SLC39A8: variants seen among roughly 807,000 people sequenced by gnomAD.
The protein encoded by SLC39A8 is metal cation symporter ZIP8.
A neutral mutation model predicts 40.4 loss-of-function variants in SLC39A8; 15 were observed. The ratio of observed to expected loss-of-function variants is 0.37; its 90% CI spans 0.25 to 0.57. The LOEUF (loss-of-function observed/expected upper bound fraction) is 0.57. Among genes scored for constraint, SLC39A8 ranks in the 20% least tolerant of loss-of-function variants. The pLI is 0.75. For missense variants in SLC39A8, 472 were observed against 558.8 expected (o/e 0.84, Z 1.57); for synonymous variants, 223 against 221.6 (o/e 1.01, Z -0.06).
At chr4:102,317,678 C>T (rs1253298149) in intron 2 of SLC39A8, among the ~76,000 whole-genome samples, 1 of 152,182 alleles carries the variant, frequency 6.6e-6, no homozygotes, top group Non-Finnish European at 1.5e-5. Context: ...TGTGATAGCA[C>T]ATGATAGCAC....
chr4:102,330,995 C>T (rs761465034), intron 2 of SLC39A8, among the ~76,000 whole-genome samples: 14 of 152,138 alleles, frequency 9.2e-5, no homozygotes, highest in Non-Finnish European at 1.8e-4. Context: ...TAAAAACGCT[C>T]AATAAACTAC....
At chr4:102,299,750 A>C (rs1392624321) in intron 6 of SLC39A8, among the ~76,000 whole-genome samples, 1 of 152,082 alleles carries the variant, frequency 6.6e-6, no homozygotes, top group East Asian at 1.9e-4. Flanking sequence ...ATCTATTCTT[A>C]AATGAAAGCA....
downstream of SLC39A8, among the ~76,000 whole-genome samples, chr4:102,258,017 G>GCCCAT (rs1263911640): frequency 6.6e-6 from 1 of 152,096 alleles, no homozygotes; most frequent in Non-Finnish European, 1.5e-5. Context: ...CTGAGCATGG[G>GCCCAT]GTTCCTTTGC....
exon 12 of SLC39A8, chr4:102,251,803 A>G (rs1034911748): frequency 2.6e-5 from 4 of 152,262 alleles, no homozygotes; most frequent in African/African-American, 9.6e-5. Flanking sequence ...CATCATTGAT[A>G]GGGAGAATGG....
chr4:102,325,260 G>C (rs1485509180), intron 2 of SLC39A8, among the ~76,000 whole-genome samples: 6 of 152,056 alleles, frequency 3.9e-5, no homozygotes, highest in Non-Finnish European at 7.4e-5. Flanking sequence ...CTAGGTTTAA[G>C]AGGTGGCCAG....
At chr4:102,275,605 A>C (rs1732582380) in intron 6 of SLC39A8, among the ~76,000 whole-genome samples, 1 of 152,206 alleles carries the variant, frequency 6.6e-6, no homozygotes, top group Non-Finnish European at 1.5e-5. Flanking sequence ...GATATTCAGG[A>C]CTTGAACTCA....
intron 6 of SLC39A8, among the ~76,000 whole-genome samples, chr4:102,285,551 T>A (rs909769033): frequency 6.6e-6 from 1 of 152,038 alleles, no homozygotes; most frequent in Non-Finnish European, 1.5e-5. Context: ...AAAAGTGAAA[T>A]TTGTTATCTG....
At chr4:102,283,260 CA>C (rs536385719) in intron 6 of SLC39A8, among the ~76,000 whole-genome samples, 1 of 152,126 alleles carries the variant, frequency 6.6e-6, no homozygotes, top group Non-Finnish European at 1.5e-5. Flanking sequence ...GGGACTTGCC[CA>C]AAACGACACA....
chr4:102,266,931 C>G (rs28402744), intron 8 of SLC39A8, among the ~76,000 whole-genome samples: 9,038 of 152,164 alleles, frequency 0.059, 895 homozygotes, highest in African/African-American at 0.2. Context: ...AGCACAAACA[C>G]ACACATACAC....
intron 6 of SLC39A8, among the ~76,000 whole-genome samples, chr4:102,290,467 T>C (rs757910142): frequency 5.9e-5 from 9 of 152,126 alleles, no homozygotes; most frequent in Non-Finnish European, 1.3e-4. Flanking sequence ...TAATGATGTT[T>C]CTGGAACTTC....
chr4:102,333,589 G>T (rs1278613922), intron 2 of SLC39A8, among the ~76,000 whole-genome samples: 1 of 152,164 alleles, frequency 6.6e-6, no homozygotes, highest in Non-Finnish European at 1.5e-5. Flanking sequence ...AATACCAAAA[G>T]GTTTTGATGG....
chr4:102,326,685 T>C (rs1049702607), intron 2 of SLC39A8, among the ~76,000 whole-genome samples: 1 of 152,232 alleles, frequency 6.6e-6, no homozygotes, highest in Admixed American at 6.5e-5. Flanking sequence ...AAATCACATA[T>C]ATTAAGGCTC....
At chr4:102,275,658 C>T (rs1732585886) in intron 6 of SLC39A8, among the ~76,000 whole-genome samples, 1 of 152,110 alleles carries the variant, frequency 6.6e-6, no homozygotes, top group African/African-American at 2.4e-5. Context: ...CAGAACTCTC[C>T]ACCCCCAAAT....
intron 3 of SLC39A8, among the ~76,000 whole-genome samples, chr4:102,315,405 T>C (rs1231575240): frequency 6.6e-6 from 1 of 152,184 alleles, no homozygotes; most frequent in East Asian, 1.9e-4. Context: ...ATATATATTG[T>C]TTAAAATCAA....
At chr4:102,274,304 T>A (rs1356035227) in intron 6 of SLC39A8, among the ~76,000 whole-genome samples, 1 of 152,156 alleles carries the variant, frequency 6.6e-6, no homozygotes, top group African/African-American at 2.4e-5. Flanking sequence ...TCGTGAAGCA[T>A]ACACAAGTAT....
At chr4:102,319,280 A>G (rs1339756721) in intron 2 of SLC39A8, among the ~76,000 whole-genome samples, 2 of 152,202 alleles carry the variant, frequency 1.3e-5, no homozygotes, top group Non-Finnish European at 2.9e-5. Context: ...AAGGAAGCTC[A>G]AGGAATTAGG....
At chr4:102,259,627 G>T, downstream of SLC39A8, 1 of 733,442 alleles carries the variant, frequency 1.4e-6, no homozygotes, top group South Asian at 2.0e-5. Flanking sequence ...TATACCAGTT[G>T]CTTAGCATGG....
chr4:102,253,688 T>A (rs1025378939), intron 11 of SLC39A8, among the ~76,000 whole-genome samples: 3 of 152,088 alleles, frequency 2.0e-5, no homozygotes, highest in Non-Finnish European at 4.4e-5. Flanking sequence ...TTGAAAAAAA[T>A]TGAGACAATA....
intron 2 of SLC39A8, among the ~76,000 whole-genome samples, chr4:102,338,667 A>G (rs1422588138): frequency 2.0e-5 from 3 of 152,132 alleles, no homozygotes; most frequent in Admixed American, 6.5e-5. Context: ...CTAGCTAGAG[A>G]AAGTATGGTT....
Sources: gnomAD v4.1 joint callset for allele counts (sites outside exome capture counted in the v4.1 genomes callset) on GRCh38, gnomAD v4.1.1 for gene constraint, MANE v1.5 for transcripts, NCBI Gene and HGNC (gene_info 2026-07-23, HGNC 2026-07-21) for gene names.